Variants in RIN3 observed in about 807,000 individuals in gnomAD.
RIN3 encodes the protein Ras and Rab interactor 3, also known as RAB5 interacting protein 3.
A neutral mutation model predicts 76.3 loss-of-function variants in RIN3; 54 were observed. That is an observed-to-expected ratio of 0.71 (90% CI 0.57 to 0.89). The LOEUF is 0.89. RIN3 is among the 40% of genes least tolerant of loss of function. The pLI is 0.00. For synonymous variants in RIN3, 576 were observed against 564.0 expected, an observed-to-expected ratio of 1.02 and a Z score of -0.30; for missense variants, 1,256 against 1,322.1, an observed-to-expected ratio of 0.95 and a Z score of 0.78.
intron 7 of RIN3, among the ~76,000 whole-genome samples, chr14:92,664,774 A>G (rs1406033081): frequency 6.6e-6 from 1 of 152,080 alleles, no homozygotes; most frequent in East Asian, 1.9e-4. Context: ...TTTCCTAGGT[A>G]TTTTGTGGCA....
Position 92,651,823 on chromosome 14 carries a change from T to C in RIN3, c.774T>C (p.Pro258=). Residue 258 remains proline, a synonymous_variant, in exon 6 of 10, where the codon CCT becomes CCC. Transcript: ENST00000216487. ...ACCAGCCACCTCTTGGAAATTGCCC[T>C]GCACGCCCTTTGCCGCCCACCTCTG... ...PTDQPPLGNC[P]ARPLPPTSDA... The C allele has an allele frequency of 6.2e-7, 1 of 1,612,914 alleles. No individual in the cohort carries two copies. The highest frequency in any genetic ancestry group is 8.5e-7 in the Non-Finnish European group (1 of 1,179,160).
intron 7 of RIN3, among the ~76,000 whole-genome samples, chr14:92,667,882 C>T (rs1888164522): frequency 6.9e-6 from 1 of 145,158 alleles, no homozygotes; most frequent in Non-Finnish European, 1.5e-5. Context: ...GGGGGGGCAT[C>T]TGAAAGAGAG....
At chr14:92,582,446 T>A (rs1263836920) in intron 3 of RIN3, among the ~76,000 whole-genome samples, 1 of 135,146 alleles carries the variant, frequency 7.4e-6, no homozygotes, top group East Asian at 2.0e-4. Flanking sequence ...TTTTTACTTT[T>A]TTTTTTTTTT....
intron 3 of RIN3, among the ~76,000 whole-genome samples, chr14:92,587,219 C>T (rs1189816217): frequency 3.9e-5 from 6 of 152,302 alleles, no homozygotes; most frequent in Admixed American, 6.5e-5. Flanking sequence ...CTGAACAAGA[C>T]AGTTACTCTG....
chr14:92,540,078 T>C lies in RIN3; in HGVS notation c.45-15673T>C, dbSNP rs372782379. ...GGCAAGACTGGTAGCTGGAGAGTGC[T>C]GGACGCACACTAAGTGACAGAAGGC... On this transcript the variant is annotated intron_variant, in intron 1 of 9. Transcript: ENST00000216487. Among the ~76,000 whole-genome samples the C allele has an allele frequency of 8.5e-4, 129 of 152,332 alleles. 3 individuals are homozygous for C. The South Asian group carries it at 0.024, about 29-fold the overall frequency.
At chr14:92,647,225 C>A (rs1329958325) in intron 5 of RIN3, among the ~76,000 whole-genome samples, 2 of 152,156 alleles carry the variant, frequency 1.3e-5, no homozygotes, top group African/African-American at 2.4e-5. Context: ...AGTGTGCCTT[C>A]ATGAGCCGAC....
rs1888646422 is a variant in RIN3, at chr14:92,681,113, G to A, written c.2468-3874G>A. ...TGCCCTCTTGGACCCCTTTGCCCATGTCCCTTCCCTAGTCTGCCTGACAGC... is the reference window on the plus strand; with the variant it reads ...TGCCCTCTTGGACCCCTTTGCCCATATCCCTTCCCTAGTCTGCCTGACAGC... On this transcript the variant is annotated intron_variant, in intron 8 of 9. Coordinates refer to ENST00000216487, the MANE Select transcript of RIN3 (RefSeq NM_024832.5). This position sits in a 1 kb window ranked among gnomAD's most constrained non-coding sequence, Gnocchi z 4.7. Among the ~76,000 whole-genome samples the A allele has an allele frequency of 6.6e-6, 1 of 152,210 alleles. No individual in the cohort carries two copies. Among genetic ancestry groups the A allele is most frequent in the African/African-American group, 2.4e-5 (1 of 41,434 alleles).
chr14:92,631,456 G>A (rs1053823379), intron 4 of RIN3, among the ~76,000 whole-genome samples: 5 of 152,218 alleles, frequency 3.3e-5, no homozygotes, highest in African/African-American at 9.6e-5. Flanking sequence ...CAAAGCCTAG[G>A]TGGACTGGCG....
intron 7 of RIN3, among the ~76,000 whole-genome samples, chr14:92,665,370 CTTTTTTT>C (rs55818571): frequency 1.9e-4 from 16 of 83,610 alleles, no homozygotes; most frequent in Admixed American, 4.2e-4. Context: ...GCCTTTGTCT[CTTTTTTT>C]TTTTTTTTTT....
At chr14:92,590,574 G>A (rs11851631) in intron 3 of RIN3, among the ~76,000 whole-genome samples, 4,746 of 152,210 alleles carry the variant, frequency 0.031, 240 homozygotes, top group African/African-American at 0.11. Flanking sequence ...TACGAGCACC[G>A]TGCTTCCTGT....
intron 1 of RIN3, among the ~76,000 whole-genome samples, chr14:92,553,851 G>T (rs774583247): frequency 2.0e-5 from 3 of 152,036 alleles, no homozygotes; most frequent in Admixed American, 6.6e-5. Flanking sequence ...TTAATACAGC[G>T]CTGCCTGACC....
At chr14:92,573,839 A>C (rs182369301) in intron 2 of RIN3, among the ~76,000 whole-genome samples, 17 of 152,342 alleles carry the variant, frequency 1.1e-4, no homozygotes, top group Middle Eastern at 6.8e-3. Flanking sequence ...CATTTCTTTG[A>C]AATACACCAT....
rs570277308 is a variant in RIN3, at chr14:92,599,042, A to C, written c.368-16365A>C. Among the ~76,000 whole-genome samples, 3 of 152,304 alleles carry C rather than the reference A, an allele frequency of 2.0e-5. No homozygotes were observed. The East Asian group carries it at 5.8e-4, about 29-fold the overall frequency. On this transcript the variant is annotated intron_variant, in intron 3 of 9. Coordinates refer to ENST00000216487, the MANE Select transcript of RIN3 (RefSeq NM_024832.5). ...ACAGAATGGCAGAATGGTGGGGTGC[A>C]TCCAGGGAGAGTCCAGTGTGGCTGG...
intron 3 of RIN3, among the ~76,000 whole-genome samples, chr14:92,589,862 C>A (rs1444236389): frequency 2.0e-5 from 3 of 152,186 alleles, no homozygotes. Flanking sequence ...ATAAGTAAAA[C>A]CCTGACCAAA....
At chr14:92,672,660 A>ATGTGTG (rs57611104) in intron 7 of RIN3, among the ~76,000 whole-genome samples, 3,569 of 148,484 alleles carry the variant, frequency 0.024, 107 homozygotes, top group African/African-American at 0.073. Context: ...ATGTGTGTGC[A>ATGTGTG]TGTGTGTGTG....
At chr14:92,588,584 T>G (rs796732221) in intron 3 of RIN3, among the ~76,000 whole-genome samples, 1 of 152,068 alleles carries the variant, frequency 6.6e-6, no homozygotes, top group South Asian at 2.1e-4. Flanking sequence ...TCCCTCATGA[T>G]TCCACCCTCA....
At chr14:92,684,385 C>CAAAAAAAA (rs35113092) in intron 8 of RIN3, among the ~76,000 whole-genome samples, 1 of 115,858 alleles carries the variant, frequency 8.6e-6, no homozygotes, top group Non-Finnish European at 1.8e-5. Flanking sequence ...CAGACTTAGA[C>CAAAAAAAA]AAAAAAAAAA....
chr14:92,688,218 C>A lies in RIN3; in HGVS notation c.2924C>A (p.Pro975His), dbSNP rs1298107126. The A allele has an allele frequency of 1.9e-6, 3 of 1,601,328 alleles. No homozygotes were observed. Among genetic ancestry groups the A allele is most frequent in the Non-Finnish European group, 2.6e-6 (3 of 1,175,658 alleles). ...GGGGGGGGSP[P>H]CLVVREPNFL ...GGCGGCGGCGGCGGCGGGAGCCCGC[C>A]CTGCCTGGTGGTGCGGGAGCCCAAC... Residue 975 changes from proline (P) to histidine (H), a missense_variant, in exon 10 of 10, where the codon CCC becomes CAC. By Grantham distance (77) the Pro-to-His change is moderately conservative. Transcript: ENST00000216487.
intron 1 of RIN3, chr14:92,515,515 C>T (rs1020190697): frequency 6.3e-6 from 3 of 476,328 alleles, no homozygotes; most frequent in Non-Finnish European, 1.1e-5. Context: ...ATAGTAACTA[C>T]CCCTTAGAGT....
Sources: gnomAD v4.1 joint callset for allele counts (sites outside exome capture counted in the v4.1 genomes callset) on GRCh38, gnomAD v4.1.1 for gene constraint, Gnocchi (gnomAD v3.1) non-coding constraint, MANE v1.5 for transcripts, NCBI Gene and HGNC (gene_info 2026-07-23, HGNC 2026-07-21) for gene names.